Variants in WRN observed in about 807,000 individuals in gnomAD.
WRN encodes the protein bifunctional 3'-5' exonuclease/ATP-dependent helicase WRN.
WRN carries 149 observed loss-of-function variants against 180.7 expected under a neutral mutation model. The observed-to-expected ratio is 0.82, with a 90% CI of 0.72 to 0.94. The LOEUF (loss-of-function observed/expected upper bound fraction) is 0.94, where lower values mean the gene tolerates loss of function less well. WRN is among the 40% of genes least tolerant of loss of function. The pLI, the probability that WRN is intolerant of heterozygous loss-of-function variation, is 0.00. For synonymous variants in WRN, 548 were observed against 568.9 expected, an observed-to-expected ratio of 0.96 and a Z score of 0.52; for missense variants, 1,661 against 1,700.1, an observed-to-expected ratio of 0.98 and a Z score of 0.40.
At chr8:31,171,087 TA>T (rs1804083557) in intron 34 of WRN, 1 of 152,218 alleles carries the variant, frequency 6.6e-6, no homozygotes, top group Admixed American at 6.5e-5. Context: ...GAAGCTTAAG[TA>T]ACACGCATAA....
chr8:31,096,689 G>A, intron 16 of WRN, 79 bp from the exon 17 acceptor site: 2 of 1,148,182 alleles, frequency 1.7e-6, no homozygotes, highest in Non-Finnish European at 2.5e-6. Context: ...AATTCCTTGA[G>A]ATGATTGTTT....
chr8:31,050,525 T>C (rs1369665328), intron 1 of WRN, among the ~76,000 whole-genome samples: 3 of 151,816 alleles, frequency 2.0e-5, no homozygotes, highest in Non-Finnish European at 2.9e-5. Flanking sequence ...TTTTTTTTTT[T>C]TTGACACAAA....
chr8:31,136,672 T>C (rs187076593), intron 24 of WRN, among the ~76,000 whole-genome samples: 18 of 151,686 alleles, frequency 1.2e-4, no homozygotes, highest in Admixed American at 1.1e-3. Context: ...TCCGTCTCTA[T>C]AAAAAAAAAT....
intron 30 of WRN, among the ~76,000 whole-genome samples, chr8:31,149,353 C>T (rs1803003621): frequency 1.3e-5 from 2 of 148,356 alleles, no homozygotes; most frequent in Admixed American, 1.3e-4. Context: ...GCGGAGATCG[C>T]GCCACTGCAC....
intron 20 of WRN, 116 bp from the exon 21 acceptor site, chr8:31,120,127 C>A: frequency 8.1e-7 from 1 of 1,230,020 alleles, no homozygotes; most frequent in Non-Finnish European, 1.2e-6. Context: ...ACATTGAATT[C>A]CACTTTGTGC....
chr8:31,145,133 G>A (rs554394751), intron 28 of WRN, among the ~76,000 whole-genome samples: 1 of 152,216 alleles, frequency 6.6e-6, no homozygotes, highest in Non-Finnish European at 1.5e-5. Context: ...AGAAGATCTA[G>A]CTAAGATCAT....
In WRN at chr8:31,132,426, G is replaced by A. The variant is rs1228313718; in HGVS notation, c.2887G>A (p.Ala963Thr). 1.2e-6 allele frequency: 2 copies of A among 1,614,124 alleles called. No individual in the cohort carries two copies. Among genetic ancestry groups the A allele is most frequent in the Non-Finnish European group, 1.7e-6 (2 of 1,180,008 alleles). Reference sequence around the variant, plus strand: ...TACATCCTGGGACTTTGGTCCACAAGCATTTAAGCTTTTGTCTGCTGTGGA... The same window carrying A: ...TACATCCTGGGACTTTGGTCCACAAACATTTAAGCTTTTGTCTGCTGTGGA... The part of the protein sequence containing the change: ...EDTSWDFGPQ[A>T]FKLLSAVDIL... Residue 963 changes from alanine (A) to threonine (T), a missense_variant, in exon 24 of 35, where the codon GCA becomes ACA. This residue lies in a region of WRN where 1,141 missense variants were observed against 1,149.4 expected (regional missense o/e 0.99). Transcript: ENST00000298139.
intron 11 of WRN, 81 bp downstream of exon 11, chr8:31,085,327 A>T: frequency 7.0e-7 from 1 of 1,422,384 alleles, no homozygotes; most frequent in South Asian, 1.2e-5. Context: ...CTAATTCTAA[A>T]CCAGGTTCCA....
chr8:31,062,460 G>C (rs946891109), intron 3 of WRN, among the ~76,000 whole-genome samples: 4 of 148,974 alleles, frequency 2.7e-5, no homozygotes, highest in African/African-American at 5.0e-5. Context: ...GTGCTGGAGT[G>C]ACAGTGGTGT....
At chr8:31,097,817 C>A (rs956867192) in intron 17 of WRN, among the ~76,000 whole-genome samples, 1 of 152,040 alleles carries the variant, frequency 6.6e-6, no homozygotes, top group African/African-American at 2.4e-5. Flanking sequence ...TTAGGCTTAA[C>A]TATCCAAGAA....
At chr8:31,155,522 G>A (rs1031640144) in intron 32 of WRN, among the ~76,000 whole-genome samples, 2 of 151,466 alleles carry the variant, frequency 1.3e-5, no homozygotes, top group African/African-American at 4.9e-5. Flanking sequence ...CTTGGGAGGC[G>A]GAGACATGGG....
intron 27 of WRN, among the ~76,000 whole-genome samples, chr8:31,142,984 T>C (rs918073610): frequency 2.8e-4 from 43 of 151,942 alleles, no homozygotes; most frequent in African/African-American, 8.7e-4. Flanking sequence ...ATAATACTTA[T>C]AGTTGATCAA....
intron 18 of WRN, among the ~76,000 whole-genome samples, chr8:31,109,359 T>C (rs891156630): frequency 8.5e-5 from 13 of 152,334 alleles, no homozygotes; most frequent in Non-Finnish European, 1.6e-4. Context: ...AGCTATATCT[T>C]TCTAGAATGT....
chr8:31,110,425 TTTTGA>T (rs1249661819), intron 18 of WRN, among the ~76,000 whole-genome samples: 1 of 152,148 alleles, frequency 6.6e-6, no homozygotes, highest in African/African-American at 2.4e-5. Flanking sequence ...ATCACATTAG[TTTTGA>T]TTTAATTTTT....
chr8:31,098,521 G>A (rs540071704), intron 17 of WRN, among the ~76,000 whole-genome samples: 2 of 152,222 alleles, frequency 1.3e-5, no homozygotes, highest in South Asian at 2.1e-4. Flanking sequence ...ATGTTCTCTG[G>A]TTGACTCAGT....
intron 33 of WRN, among the ~76,000 whole-genome samples, chr8:31,164,066 A>AG (rs1164533088): frequency 6.6e-6 from 1 of 152,022 alleles, no homozygotes; most frequent in Non-Finnish European, 1.5e-5. Context: ...TTGAACCCCT[A>AG]GCCTTAAGCG....
chr8:31,129,701 T>G (rs1476580458), intron 23 of WRN, among the ~76,000 whole-genome samples: 2 of 152,118 alleles, frequency 1.3e-5, no homozygotes, highest in Non-Finnish European at 2.9e-5. Context: ...ATAGTTACAA[T>G]GATATACATT....
intron 1 of WRN, among the ~76,000 whole-genome samples, chr8:31,040,910 T>C (rs1423369118): frequency 1.3e-5 from 2 of 152,106 alleles, no homozygotes; most frequent in African/African-American, 4.8e-5. Context: ...AGGAAAAAGT[T>C]GATGATGTAG....
chr8:31,165,491 A>G (rs1314560689), intron 33 of WRN, among the ~76,000 whole-genome samples: 1 of 152,114 alleles, frequency 6.6e-6, no homozygotes, highest in Non-Finnish European at 1.5e-5. Context: ...TTTTGATAAT[A>G]TAATTTAATT....
Sources: gnomAD v4.1 joint callset for allele counts (sites outside exome capture counted in the v4.1 genomes callset) on GRCh38, gnomAD v4.1.1 for gene constraint, gnomAD v4.1.1 regional missense constraint, MANE v1.5 for transcripts, NCBI Gene and HGNC (gene_info 2026-07-23, HGNC 2026-07-21) for gene names.